Variants in PCCA observed in about 807,000 individuals in gnomAD.
The protein encoded by PCCA is propionyl-CoA carboxylase subunit alpha, also known as propionyl-CoA carboxylase alpha chain, mitochondrial.
A neutral mutation model predicts 101.3 loss-of-function variants in PCCA; 74 were observed. The observed-to-expected ratio is 0.73, with a 90% CI of 0.61 to 0.89. The LOEUF (loss-of-function observed/expected upper bound fraction) is 0.89, where lower values mean the gene tolerates loss of function less well. PCCA is among the 40% of genes least tolerant of loss of function. The probability of loss-of-function intolerance (pLI) is 0.00; values close to 1 mark genes in which losing one functional copy is unlikely to be tolerated. For synonymous variants in PCCA, 294 were observed against 313.6 expected, an observed-to-expected ratio of 0.94 and a Z score of 0.66; for missense variants, 891 against 907.0, an observed-to-expected ratio of 0.98 and a Z score of 0.23.
chr13:100,390,256 A>G lies in PCCA; in HGVS notation c.1746+21682A>G, dbSNP rs533744024. On this transcript the variant is annotated intron_variant, in intron 19 of 23. Transcript: ENST00000376285. ...CATTTCTATTCCAATCCTATAAAGC[A>G]TAAGTACTATTATTAGTCCTATTTT... Among the ~76,000 whole-genome samples the G allele has an allele frequency of 3.3e-5, 5 of 152,368 alleles. 1 individual carries two copies. Among genetic ancestry groups the G allele is most frequent in the African/African-American group, 9.6e-5 (4 of 41,588 alleles).
intron 6 of PCCA, among the ~76,000 whole-genome samples, chr13:100,208,935 A>G (rs925581712): frequency 1.3e-5 from 2 of 152,202 alleles, no homozygotes; most frequent in African/African-American, 4.8e-5. Context: ...GTATTCAGGA[A>G]ATATGGATAT....
At chr13:100,363,179 C>T (rs1042224497) in intron 18 of PCCA, among the ~76,000 whole-genome samples, 1 of 152,132 alleles carries the variant, frequency 6.6e-6, no homozygotes, top group Admixed American at 6.5e-5. Flanking sequence ...TCTCAACGTT[C>T]TAAAAGTGAG....
chr13:100,219,786 T>TAA (rs1278945087), intron 7 of PCCA, among the ~76,000 whole-genome samples: 3 of 152,220 alleles, frequency 2.0e-5, no homozygotes, highest in Non-Finnish European at 4.4e-5. Context: ...TTCTCTTGAA[T>TAA]AAAACAGAAC....
At chr13:100,255,016 G>A (rs889544114) in intron 8 of PCCA, among the ~76,000 whole-genome samples, 2 of 152,026 alleles carry the variant, frequency 1.3e-5, no homozygotes, top group African/African-American at 4.8e-5. Context: ...AGTCTAAGAG[G>A]TCAAGGCTGC....
chr13:100,373,292 G>A (rs777845990), intron 19 of PCCA, among the ~76,000 whole-genome samples: 14 of 152,130 alleles, frequency 9.2e-5, no homozygotes, highest in Non-Finnish European at 1.8e-4. Context: ...ATAAGTACCG[G>A]TGAGGGTGTG....
intron 21 of PCCA, 59 bp downstream of exon 21, chr13:100,449,364 T>C: frequency 1.0e-6 from 1 of 1,001,658 alleles, no homozygotes; most frequent in Non-Finnish European, 1.5e-6. Context: ...TTCAACTAGT[T>C]GTAGCTCATG....
At chr13:100,448,652 G>A (rs1201931214) in intron 20 of PCCA, among the ~76,000 whole-genome samples, 1 of 152,128 alleles carries the variant, frequency 6.6e-6, no homozygotes, top group Non-Finnish European at 1.5e-5. Context: ...ATATATGCAA[G>A]TGATATATTT....
chr13:100,257,667 A>T lies in PCCA; in HGVS notation c.710A>T (p.Glu237Val). The T allele has an allele frequency of 6.2e-7, 1 of 1,611,104 alleles. No individual in the cohort carries two copies. Among genetic ancestry groups the T allele is most frequent in the Non-Finnish European group, 8.5e-7 (1 of 1,177,406 alleles). Residue 237 changes from glutamate (E) to valine (V), a missense_variant, in exon 9 of 24, where the codon GAG (glutamate) becomes GTG (valine). By Grantham distance (121) the Glu-to-Val change is moderately radical. Coordinates refer to ENST00000376285, the MANE Select transcript of PCCA (RefSeq NM_000282.4). ...ATGCGCATTGCTTGGGATGATGAAG[A>T]GACCAGGTGAGAGGCTGTCCAAAAT... ...KGMRIAWDDE[E>V]TRDGFRLSSQ...
At chr13:100,236,218 C>T (rs926981226) in intron 8 of PCCA, among the ~76,000 whole-genome samples, 2 of 152,084 alleles carry the variant, frequency 1.3e-5, no homozygotes, top group Admixed American at 6.5e-5. Context: ...AAATTAAGAA[C>T]ATTTGGATTA....
At chr13:100,171,989 G>A (rs1480809729) in intron 6 of PCCA, among the ~76,000 whole-genome samples, 2 of 148,296 alleles carry the variant, frequency 1.3e-5, no homozygotes, top group South Asian at 2.1e-4. Context: ...CGGAGTTCTC[G>A]CCACTGCATT....
At chr13:100,475,424 G>A (rs7997468) in intron 21 of PCCA, among the ~76,000 whole-genome samples, 15,869 of 152,114 alleles carry the variant, frequency 0.1, 1,390 homozygotes, top group African/African-American at 0.24. Context: ...ACAGTATGTC[G>A]TCTTTTGTGG....
chr13:100,156,593 A>ATAGTCC (rs1175227852), intron 5 of PCCA, among the ~76,000 whole-genome samples: 1 of 152,178 alleles, frequency 6.6e-6, no homozygotes, highest in Admixed American at 6.5e-5. Flanking sequence ...GTGGGTGAGG[A>ATAGTCC]TAGTATAAAG....
intron 16 of PCCA, among the ~76,000 whole-genome samples, chr13:100,312,886 T>G (rs2067034462): frequency 1.3e-5 from 2 of 152,202 alleles, no homozygotes; most frequent in South Asian, 4.1e-4. Flanking sequence ...CAGAGAAAGG[T>G]GTGGACATCT....
In PCCA at chr13:100,221,746, ATTTTT is replaced by A. The variant is rs3034654; in HGVS notation, c.600+12300_600+12304del. Among the ~76,000 whole-genome samples, 7 of 121,574 alleles carry A rather than the reference ATTTTT, an allele frequency of 5.8e-5. No homozygotes were observed. In the East Asian group the frequency reaches 9.7e-4, roughly 17 times the overall value. The allele number at this position is 121,574 out of a possible 152,430, so 79.8% of individuals were successfully genotyped here. A position where few individuals can be genotyped will look rare whatever the true frequency, so the allele number is the denominator to read the frequency against. On this transcript the variant is annotated intron_variant, in intron 7 of 23. Coordinates refer to ENST00000376285, the MANE Select transcript of PCCA (RefSeq NM_000282.4). ...GAATGTCCTTTTGTTTCCCTGGGAA[ATTTTT>A]TTTTTTTTTTTTTTTTGAGACGGAG...
intron 11 of PCCA, among the ~76,000 whole-genome samples, chr13:100,269,832 T>TA (rs1184742886): frequency 7.9e-5 from 12 of 152,356 alleles, no homozygotes; most frequent in Admixed American, 5.2e-4. Context: ...CATTGGTTTT[T>TA]AAAAATATGG....
intron 6 of PCCA, among the ~76,000 whole-genome samples, chr13:100,173,512 A>G (rs1407881542): frequency 1.3e-5 from 2 of 152,214 alleles, no homozygotes; most frequent in Non-Finnish European, 2.9e-5. Context: ...GGAGAAATAC[A>G]TATCCTAGAG....
At chr13:100,517,090 T>TGTGTG (rs2086891825) in intron 22 of PCCA, among the ~76,000 whole-genome samples, 3 of 146,626 alleles carry the variant, frequency 2.0e-5, no homozygotes, top group Middle Eastern at 3.3e-3. Context: ...TGTGTGTGTG[T>TGTGTG]TTCAAGTAAG....
intron 4 of PCCA, among the ~76,000 whole-genome samples, chr13:100,143,931 A>ATT (rs765528415): frequency 6.3e-5 from 9 of 143,488 alleles, no homozygotes; most frequent in African/African-American, 2.0e-4. Context: ...ATTAAGAGAA[A>ATT]TTTTTTTTTT....
At chr13:100,179,579 C>T (rs930997273) in intron 6 of PCCA, among the ~76,000 whole-genome samples, 21 of 152,202 alleles carry the variant, frequency 1.4e-4, no homozygotes, top group African/African-American at 4.6e-4. Flanking sequence ...TCTTTGCATG[C>T]AGCTCCTTAA....
Sources: allele counts gnomAD v4.1 joint callset (sites outside exome capture counted in the v4.1 genomes callset), GRCh38; gene constraint gnomAD v4.1.1; transcripts MANE v1.5; gene names NCBI Gene and HGNC (gene_info 2026-07-23, HGNC 2026-07-21).